Variants in KRABD5 observed in about 807,000 individuals in gnomAD.
KRABD5 encodes the protein KRAB domain containing 5, also known as KRAB domain-containing protein 5.
the KRABD5 span, chr16:31,733,603 A>G: frequency 2.2e-6 from 1 of 456,218 alleles, no homozygotes; most frequent in Non-Finnish European, 4.4e-6. Flanking sequence ...TGTTTCTATG[A>G]GTTTGGCTAC....
chr16:31,743,236 A>G, the KRABD5 span, among the ~76,000 whole-genome samples: 1 of 152,108 alleles, frequency 6.6e-6, no homozygotes, highest in African/African-American at 2.4e-5. Context: ...ATTTTCTTCT[A>G]GGGTTTTTAT....
At chr16:31,756,888 A>G in the KRABD5 span, 1 of 152,218 alleles carries the variant, frequency 6.6e-6, no homozygotes, top group African/African-American at 2.4e-5. Flanking sequence ...CTGTCTTCAA[A>G]TGGAAAAGAA....
the KRABD5 span, chr16:31,754,106 T>C: frequency 1.4e-6 from 1 of 709,248 alleles, no homozygotes; most frequent in South Asian, 1.5e-5. Context: ...GAAATTTGGA[T>C]AATCCGAATA....
chr16:31,761,130 A>G, the KRABD5 span: 1 of 152,202 alleles, frequency 6.6e-6, no homozygotes, highest in East Asian at 1.9e-4. Context: ...AAGACAAAGC[A>G]CAATGATACT....
chr16:31,721,123 A>G, the KRABD5 span, among the ~76,000 whole-genome samples: 1 of 152,176 alleles, frequency 6.6e-6, no homozygotes, highest in African/African-American at 2.4e-5. Context: ...CAGAAACACA[A>G]GCTCTTATTT....
At chr16:31,713,368 C>T in the KRABD5 span, 8 of 1,582,948 alleles carry the variant, frequency 5.1e-6, no homozygotes, top group Non-Finnish European at 6.9e-6. Context: ...ACCTCTGTTA[C>T]TCTGTGACCG....
At chr16:31,717,353 A>G in the KRABD5 span, among the ~76,000 whole-genome samples, 2 of 152,200 alleles carry the variant, frequency 1.3e-5, no homozygotes, top group Admixed American at 1.3e-4. Flanking sequence ...GATTTGAACT[A>G]TAGGTAGCAA....
At chr16:31,729,620 A>G in the KRABD5 span, among the ~76,000 whole-genome samples, 1 of 152,192 alleles carries the variant, frequency 6.6e-6, no homozygotes. Flanking sequence ...AGTCTTTATC[A>G]ATGTCTGTTT....
the KRABD5 span, among the ~76,000 whole-genome samples, chr16:31,735,100 C>A: frequency 1.1e-4 from 16 of 151,064 alleles, no homozygotes; most frequent in Admixed American, 9.2e-4. Context: ...TTTTCTTTCT[C>A]TCTCTTTCTT....
At chr16:31,722,868 G>T in the KRABD5 span, 2 of 1,153,272 alleles carry the variant, frequency 1.7e-6, no homozygotes, top group Admixed American at 4.2e-5. Context: ...TCAGATTCCT[G>T]TTTCCAGGAA....
the KRABD5 span, among the ~76,000 whole-genome samples, chr16:31,730,066 T>A: frequency 1.1e-3 from 164 of 152,312 alleles, 2 homozygotes; most frequent in African/African-American, 3.8e-3. Flanking sequence ...TGTACCACCA[T>A]TACAATATTC....
the KRABD5 span, among the ~76,000 whole-genome samples, chr16:31,746,977 T>G: frequency 5.9e-5 from 9 of 151,892 alleles, no homozygotes; most frequent in Non-Finnish European, 7.4e-5. Context: ...AGGTCATTTA[T>G]GTTTCTGTTT....
the KRABD5 span, among the ~76,000 whole-genome samples, chr16:31,723,853 CA>C: frequency 2.4e-4 from 37 of 152,088 alleles, 2 homozygotes; most frequent in Admixed American, 2.4e-3. Context: ...GATGATCCTA[CA>C]AAAATTGAGA....
At chr16:31,720,144 A>G in the KRABD5 span, among the ~76,000 whole-genome samples, 1 of 152,236 alleles carries the variant, frequency 6.6e-6, no homozygotes, top group Non-Finnish European at 1.5e-5. Context: ...CTCAGTAAAC[A>G]CTGCTTTAAT....
At chr16:31,714,267 G>T in the KRABD5 span, 2 of 426,882 alleles carry the variant, frequency 4.7e-6, no homozygotes, top group Non-Finnish European at 9.3e-6. Context: ...AGGTATTTTG[G>T]CCTTACCTGT....
At chr16:31,749,632 A>C in the KRABD5 span, among the ~76,000 whole-genome samples, 1 of 152,192 alleles carries the variant, frequency 6.6e-6, no homozygotes, top group Non-Finnish European at 1.5e-5. Flanking sequence ...TCCCTGGAAG[A>C]AGCATGGTTT....
At chr16:31,713,657 G>T in the KRABD5 span, 1 of 623,116 alleles carries the variant, frequency 1.6e-6, no homozygotes. Context: ...CATGGCCGGA[G>T]CCGTCTTTGG....
chr16:31,718,125 A>C, the KRABD5 span, among the ~76,000 whole-genome samples: 1 of 152,180 alleles, frequency 6.6e-6, no homozygotes, highest in African/African-American at 2.4e-5. Context: ...ATGAATGTGC[A>C]GAAGGTGCGT....
the KRABD5 span, among the ~76,000 whole-genome samples, chr16:31,739,603 G>A: frequency 1.3e-5 from 2 of 152,046 alleles, no homozygotes; most frequent in South Asian, 4.2e-4. Flanking sequence ...CCTCAAATTT[G>A]GAAAATTCTC....
Sources: gnomAD v4.1 joint callset for allele counts (sites outside exome capture counted in the v4.1 genomes callset) on GRCh38, gnomAD v4.1.1 for gene constraint, MANE v1.5 for transcripts, NCBI Gene and HGNC (gene_info 2026-07-23, HGNC 2026-07-21) for gene names.